GABRB1: variants seen among roughly 807,000 people sequenced by gnomAD.
The protein encoded by GABRB1 is gamma-aminobutyric acid receptor subunit beta-1.
A neutral mutation model predicts 51.6 loss-of-function variants in GABRB1; 17 were observed. That is an observed-to-expected ratio of 0.33 (90% CI 0.23 to 0.49). The LOEUF (loss-of-function observed/expected upper bound fraction) is 0.49. GABRB1 is among the 20% of genes least tolerant of loss of function. GABRB1 has a pLI of 0.99. For missense variants in GABRB1, 410 were observed against 600.6 expected (o/e 0.68, Z 3.32); for synonymous variants, 247 against 218.9 (o/e 1.13, Z -1.14).
At chr4:47,327,064 A>T (rs1725288402) in intron 5 of GABRB1, among the ~76,000 whole-genome samples, 1 of 152,240 alleles carries the variant, frequency 6.6e-6, no homozygotes, top group East Asian at 1.9e-4. Context: ...CTTTTAGAAT[A>T]TAAGTCTAGT....
chr4:47,374,452 C>G lies in GABRB1; in HGVS notation c.545-28866C>G, dbSNP rs141188596. Among the ~76,000 whole-genome samples, 471 of 152,268 alleles carry G rather than the reference C, an allele frequency of 3.1e-3. 3 individuals are homozygous for G. Among genetic ancestry groups the G allele is most frequent in the Middle Eastern group, 0.031 (9 of 294 alleles). ...TGACAGGAAACTGAAACCCACTACTCAGGGATAAGGGAAAACTGTTCTTGG... is the reference window on the plus strand; with the variant it reads ...TGACAGGAAACTGAAACCCACTACTGAGGGATAAGGGAAAACTGTTCTTGG... On this transcript the variant is annotated intron_variant, in intron 5 of 8. Transcript: ENST00000295454.
chr4:47,407,582 A>G (rs1217888540), intron 8 of GABRB1, among the ~76,000 whole-genome samples: 2 of 152,196 alleles, frequency 1.3e-5, no homozygotes, highest in Non-Finnish European at 2.9e-5. Flanking sequence ...TTTCACTGAA[A>G]TCAATTTACC....
chr4:47,212,788 A>T (rs1720414436), intron 4 of GABRB1, among the ~76,000 whole-genome samples: 1 of 152,208 alleles, frequency 6.6e-6, no homozygotes, highest in South Asian at 2.1e-4. Context: ...AAGAATAAGG[A>T]AGTATAAAAA....
chr4:47,378,392 C>A (rs1727467518), intron 5 of GABRB1, among the ~76,000 whole-genome samples: 1 of 152,194 alleles, frequency 6.6e-6, no homozygotes, highest in Non-Finnish European at 1.5e-5. Context: ...CTCGTGCTGG[C>A]CCGCAAGCAC....
chr4:47,295,333 A>C (rs1393767559), intron 4 of GABRB1, among the ~76,000 whole-genome samples: 2 of 152,144 alleles, frequency 1.3e-5, no homozygotes, highest in Admixed American at 1.3e-4. Context: ...AAATTCAAAC[A>C]AAAGGCAAAG....
intron 4 of GABRB1, among the ~76,000 whole-genome samples, chr4:47,186,252 T>C (rs1258909453): frequency 6.6e-6 from 1 of 151,792 alleles, no homozygotes; most frequent in Admixed American, 6.6e-5. Flanking sequence ...CTCTCTCTTG[T>C]AATCATTGTG....
chr4:46,999,282 G>A (rs749534132), intron 1 of GABRB1, among the ~76,000 whole-genome samples: 1 of 152,094 alleles, frequency 6.6e-6, no homozygotes, highest in Non-Finnish European at 1.5e-5. Flanking sequence ...GTCATGTCTT[G>A]TTTCAAGACT....
intron 3 of GABRB1, among the ~76,000 whole-genome samples, chr4:47,124,555 TAAATAATTGCTTC>T (rs1275103226): frequency 6.6e-6 from 1 of 152,170 alleles, no homozygotes; most frequent in Non-Finnish European, 1.5e-5. Context: ...AAAAAAATTC[TAAATAATTGCTTC>T]AAGGATTCTC....
chr4:47,305,821 G>A (rs988665065), intron 4 of GABRB1, among the ~76,000 whole-genome samples: 4 of 152,084 alleles, frequency 2.6e-5, no homozygotes, highest in African/African-American at 9.7e-5. Flanking sequence ...CTTTCCTGTT[G>A]TAACTCAAAC....
intron 3 of GABRB1, among the ~76,000 whole-genome samples, chr4:47,159,873 G>T (rs1717861746): frequency 6.6e-6 from 1 of 152,006 alleles, no homozygotes; most frequent in Admixed American, 6.6e-5. Flanking sequence ...TGTGCAGGAG[G>T]TACATAGTGT....
chr4:47,234,673 C>A (rs990206033), intron 4 of GABRB1, among the ~76,000 whole-genome samples: 6 of 152,096 alleles, frequency 3.9e-5, no homozygotes, highest in Admixed American at 2.0e-4. Context: ...TTTAAGTTAC[C>A]CTAATTTAGG....
At chr4:47,052,233 C>G (rs1726383255) in intron 3 of GABRB1, among the ~76,000 whole-genome samples, 1 of 152,148 alleles carries the variant, frequency 6.6e-6, no homozygotes, top group Admixed American at 6.5e-5. Flanking sequence ...CCTTTTTACA[C>G]TGAAGCAATA....
At chr4:47,078,041 G>A (rs1727651880) in intron 3 of GABRB1, among the ~76,000 whole-genome samples, 1 of 145,206 alleles carries the variant, frequency 6.9e-6, no homozygotes, top group Non-Finnish European at 1.5e-5. Context: ...CCAGGCTGGA[G>A]TGCAATGGCA....
chr4:47,388,017 A>C (rs969504742), intron 5 of GABRB1, among the ~76,000 whole-genome samples: 1 of 152,208 alleles, frequency 6.6e-6, no homozygotes, highest in South Asian at 2.1e-4. Context: ...CTAGAGTCCC[A>C]TTGGTGTCAA....
intron 3 of GABRB1, among the ~76,000 whole-genome samples, chr4:47,140,182 A>G (rs1411600752): frequency 6.6e-6 from 1 of 151,526 alleles, no homozygotes; most frequent in Non-Finnish European, 1.5e-5. Context: ...CTTAAGGGGA[A>G]GCACAAATCC....
chr4:47,125,573 T>TTTTTTTTTTTTTTTTA (rs1716090210), intron 3 of GABRB1, among the ~76,000 whole-genome samples: 2 of 123,212 alleles, frequency 1.6e-5, no homozygotes, highest in South Asian at 2.7e-4. Context: ...TTTTTTTTTT[T>TTTTTTTTTTTTTTTTA]GAGACGGAGT....
chr4:47,135,016 T>C (rs146011067), intron 3 of GABRB1, among the ~76,000 whole-genome samples: 9 of 151,996 alleles, frequency 5.9e-5, no homozygotes, highest in African/African-American at 1.9e-4. Flanking sequence ...TCTCAGATAC[T>C]CAGAAGTCTC....
chr4:47,286,448 G>A (rs1413525927), intron 4 of GABRB1, among the ~76,000 whole-genome samples: 4 of 152,128 alleles, frequency 2.6e-5, no homozygotes, highest in Non-Finnish European at 5.9e-5. Flanking sequence ...TAGAGTCCAT[G>A]TTTCCATATA....
chr4:47,308,321 T>C lies in GABRB1; in HGVS notation c.462-11806T>C, dbSNP rs564736992. ...AAAGACATACTACAATGCTAATCATTGCTCTAGAAGTAGCATTTCTCCACT... is the reference window on the plus strand; with the variant it reads ...AAAGACATACTACAATGCTAATCATCGCTCTAGAAGTAGCATTTCTCCACT... On this transcript the variant is annotated intron_variant, in intron 4 of 8. Coordinates refer to ENST00000295454, the MANE Select transcript of GABRB1 (RefSeq NM_000812.4). Among the ~76,000 whole-genome samples, 5 of 152,240 alleles carry C rather than the reference T, an allele frequency of 3.3e-5. No individual in the cohort carries two copies. In the South Asian group the frequency reaches 1.0e-3, roughly 32 times the overall value.
Sources: gnomAD v4.1 joint callset for allele counts (sites outside exome capture counted in the v4.1 genomes callset) on GRCh38, gnomAD v4.1.1 for gene constraint, MANE v1.5 for transcripts, NCBI Gene and HGNC (gene_info 2026-07-23, HGNC 2026-07-21) for gene names.